EPHA3: variants seen among roughly 807,000 people sequenced by gnomAD.
EPHA3 encodes EPH receptor A3.
In EPHA3, 42 loss-of-function variants were observed where a neutral mutation model predicts 107.1. That is an observed-to-expected ratio of 0.39 (90% CI 0.31 to 0.51). The LOEUF (loss-of-function observed/expected upper bound fraction) is 0.51. EPHA3 is among the 20% of genes least tolerant of loss of function. EPHA3 has a pLI of 0.78. For missense variants in EPHA3, 1,183 were observed against 1,211.2 expected, an observed-to-expected ratio of 0.98 and a Z score of 0.35; for synonymous variants, 461 against 424.8, an observed-to-expected ratio of 1.09 and a Z score of -1.05.
At chr3:89,301,666 G>A (rs571720026) in intron 3 of EPHA3, among the ~76,000 whole-genome samples, 8 of 152,196 alleles carry the variant, frequency 5.3e-5, no homozygotes, top group Admixed American at 1.3e-4. Flanking sequence ...AGTGTAAATT[G>A]AGAGTTAAGC....
At chr3:89,272,449 T>G (rs1216865499) in intron 3 of EPHA3, among the ~76,000 whole-genome samples, 1 of 151,976 alleles carries the variant, frequency 6.6e-6, no homozygotes, top group Non-Finnish European at 1.5e-5. Flanking sequence ...AGCCCTCTCT[T>G]AAAAATGATG....
intron 3 of EPHA3, among the ~76,000 whole-genome samples, chr3:89,275,075 AATAG>A (rs1705773052): frequency 6.6e-6 from 1 of 152,032 alleles, no homozygotes; most frequent in African/African-American, 2.4e-5. Context: ...TTCAAGGTCA[AATAG>A]ATAGTAAGTA....
chr3:89,360,737 C>T lies in EPHA3; in HGVS notation c.1306+18647C>T, dbSNP rs146762222. Among the ~76,000 whole-genome samples, 1,232 of 151,084 alleles carry T rather than the reference C, an allele frequency of 8.2e-3. 58 individuals carry two copies. Among genetic ancestry groups the T allele is most frequent in the Non-Finnish European group, 9.3e-3 (627 of 67,424 alleles). On this transcript the variant is annotated intron_variant, in intron 5 of 16. Transcript: ENST00000336596. ...AGGGAGGGGAACATGAAAAACAAGC[C>T]TCTTATAACTATACTCATGTTTATT...
In EPHA3 at chr3:89,249,570, C is replaced by G; in HGVS notation, c.814+39050C>G. On this transcript the variant is annotated intron_variant, in intron 3 of 16. Coordinates refer to ENST00000336596, the MANE Select transcript of EPHA3 (RefSeq NM_005233.6). ...CCACCTCCTGGGCTCGAGCAATTCC[C>G]CCGCCTCAGCCTCCCTAGTAGCTGG... Among the ~76,000 whole-genome samples the G allele has an allele frequency of 1.3e-5, 2 of 152,124 alleles. 1 individual carries two copies. The highest frequency in any genetic ancestry group is 3.9e-4 in the East Asian group (2 of 5,192).
intron 3 of EPHA3, among the ~76,000 whole-genome samples, chr3:89,338,395 C>T (rs1407803877): frequency 1.3e-5 from 2 of 152,210 alleles, no homozygotes; most frequent in Non-Finnish European, 2.9e-5. Flanking sequence ...AACCACCAAT[C>T]ACAATGAAGT....
At chr3:89,427,632 T>C (rs1709486258) in intron 11 of EPHA3, among the ~76,000 whole-genome samples, 1 of 151,952 alleles carries the variant, frequency 6.6e-6, no homozygotes, top group Non-Finnish European at 1.5e-5. Flanking sequence ...AATTACAGTG[T>C]GGTAATATGT....
At chr3:89,420,456 A>C (rs1709332349) in intron 11 of EPHA3, among the ~76,000 whole-genome samples, 1 of 151,478 alleles carries the variant, frequency 6.6e-6, no homozygotes, top group African/African-American at 2.4e-5. Context: ...AGAATTTAAC[A>C]ATGTGGAATA....
chr3:89,280,767 A>G (rs1705924983), intron 3 of EPHA3, among the ~76,000 whole-genome samples: 1 of 152,074 alleles, frequency 6.6e-6, no homozygotes, highest in Admixed American at 6.6e-5. Context: ...AACAATACTG[A>G]CTATATTACA....
rs1488295006 is a variant in EPHA3, at chr3:89,472,457, C to T, written c.2691-7C>T. Reference sequence around the variant, plus strand: ...TCTGTCTCCCTTTGGTGTTTTTTTTCTTGCAGGCCATCAAACCTTCTTCTG... The same window carrying T: ...TCTGTCTCCCTTTGGTGTTTTTTTTTTTGCAGGCCATCAAACCTTCTTCTG... On this transcript the variant is annotated splice_region_variant and splice_polypyrimidine_tract_variant and intron_variant, in intron 15 of 16. Transcript: ENST00000336596. 8 of 1,607,714 alleles carry T rather than the reference C, an allele frequency of 5.0e-6. No homozygotes were observed. In the Admixed American group the frequency reaches 6.8e-5, roughly 14 times the overall value.
intron 3 of EPHA3, among the ~76,000 whole-genome samples, chr3:89,253,931 T>G (rs917280701): frequency 2.6e-5 from 4 of 152,026 alleles, no homozygotes; most frequent in Non-Finnish European, 5.9e-5. Flanking sequence ...TTAAATATAC[T>G]GTAAGTTTTA....
At position 89,194,221 on chromosome 3, in the gene EPHA3, G is replaced by C. The variant is rs191631960; in HGVS notation, c.154-15639G>C. Among the ~76,000 whole-genome samples the C allele has an allele frequency of 2.0e-5, 3 of 151,900 alleles. No homozygotes were observed. The East Asian group carries it at 5.8e-4, about 29-fold the overall frequency. On this transcript the variant is annotated intron_variant, in intron 2 of 16. Transcript: ENST00000336596. ...ACATGGATTGATGTGCTAACAAAAC[G>C]ATATTTTAATAAGATAACTAGGTTC... is the stretch of plus-strand genomic sequence containing the variant.
chr3:89,452,305 A>G (rs1576386135), intron 15 of EPHA3, among the ~76,000 whole-genome samples: 1 of 152,136 alleles, frequency 6.6e-6, no homozygotes. Flanking sequence ...TGGCTGTTCC[A>G]ATTTACATTC....
At chr3:89,123,880 C>T (rs1704027397) in intron 1 of EPHA3, among the ~76,000 whole-genome samples, 1 of 152,052 alleles carries the variant, frequency 6.6e-6, no homozygotes, top group African/African-American at 2.4e-5. Flanking sequence ...TTCTGTTACA[C>T]ACCAAAAATA....
At chr3:89,114,212 T>G (rs772903878) in intron 1 of EPHA3, among the ~76,000 whole-genome samples, 2 of 152,192 alleles carry the variant, frequency 1.3e-5, no homozygotes, top group Non-Finnish European at 2.9e-5. Context: ...ACTTTCCACA[T>G]TTGATAATGC....
At chr3:89,253,541 A>G (rs550661306) in intron 3 of EPHA3, among the ~76,000 whole-genome samples, 25 of 152,320 alleles carry the variant, frequency 1.6e-4, no homozygotes, top group South Asian at 8.3e-4. Flanking sequence ...GTATATGCAT[A>G]TATTTATTAG....
chr3:89,267,179 GA>G (rs1705558124), intron 3 of EPHA3, among the ~76,000 whole-genome samples: 1 of 152,024 alleles, frequency 6.6e-6, no homozygotes, highest in Non-Finnish European at 1.5e-5. Flanking sequence ...AACAAATCAG[GA>G]GCAGTGGGTA....
chr3:89,424,669 A>G (rs193160880), intron 11 of EPHA3, among the ~76,000 whole-genome samples: 1 of 151,464 alleles, frequency 6.6e-6, no homozygotes. Flanking sequence ...AATAAATAAA[A>G]GAAAGCTTGG....
chr3:89,138,909 G>T (rs1465299998), intron 2 of EPHA3, among the ~76,000 whole-genome samples: 2 of 151,806 alleles, frequency 1.3e-5, no homozygotes, highest in Non-Finnish European at 2.9e-5. Context: ...TGAGTAACTT[G>T]TAGGACCTAT....
At chr3:89,202,322 C>G (rs537033076) in intron 2 of EPHA3, among the ~76,000 whole-genome samples, 1 of 151,686 alleles carries the variant, frequency 6.6e-6, no homozygotes, top group South Asian at 2.1e-4. Flanking sequence ...TGGCAAAACA[C>G]CGTCTCTACT....
Sources: gnomAD v4.1 joint callset for allele counts (sites outside exome capture counted in the v4.1 genomes callset) on GRCh38, gnomAD v4.1.1 for gene constraint, MANE v1.5 for transcripts, NCBI Gene and HGNC (gene_info 2026-07-23, HGNC 2026-07-21) for gene names.